Variants in RNLS observed in about 807,000 individuals in gnomAD.
RNLS encodes the protein renalase.
RNLS carries 39 observed loss-of-function variants against 39.8 expected under a neutral mutation model. That is an observed-to-expected ratio of 0.98 (90% CI 0.76 to 1.28). The LOEUF (loss-of-function observed/expected upper bound fraction) is 1.28. Ranked by LOEUF, RNLS falls within the 50% of genes most tolerant of loss-of-function variation. RNLS has a pLI of 0.00. For synonymous variants in RNLS, 147 were observed against 150.7 expected (o/e 0.98, Z 0.18); for missense variants, 410 against 413.3 (o/e 0.99, Z 0.07).
chr10:88,325,698 G>A (rs369240250), intron 5 of RNLS, among the ~76,000 whole-genome samples: 8 of 152,120 alleles, frequency 5.3e-5, no homozygotes, highest in Non-Finnish European at 1.0e-4. Flanking sequence ...ATCATAACAC[G>A]CATTTTTAAA....
chr10:88,450,770 C>T (rs986235780), intron 4 of RNLS, among the ~76,000 whole-genome samples: 9 of 152,156 alleles, frequency 5.9e-5, no homozygotes, highest in Admixed American at 1.3e-4. Flanking sequence ...AGGATTAACA[C>T]TATTAGCAGA....
chr10:88,402,056 A>C (rs1392929199), intron 4 of RNLS, among the ~76,000 whole-genome samples: 2 of 152,162 alleles, frequency 1.3e-5, no homozygotes, highest in East Asian at 3.9e-4. Context: ...GGGTCTAGTT[A>C]AAAATGGGGT....
chr10:88,232,413 C>G, the RNLS span, among the ~76,000 whole-genome samples: 1 of 152,178 alleles, frequency 6.6e-6, no homozygotes, highest in East Asian at 1.9e-4. Context: ...TTCTCTTTTT[C>G]TCTCTCCATC....
chr10:88,570,963 CTTTT>C (rs1179336519), intron 4 of RNLS, among the ~76,000 whole-genome samples: 1 of 96,782 alleles, frequency 1.0e-5, no homozygotes, highest in Non-Finnish European at 2.0e-5. Context: ...GTTGTATATT[CTTTT>C]TTTTTTTTTT....
intron 4 of RNLS, among the ~76,000 whole-genome samples, chr10:88,430,864 T>C (rs896100167): frequency 1.3e-5 from 2 of 151,764 alleles, no homozygotes; most frequent in African/African-American, 4.8e-5. Context: ...TTTGTATATG[T>C]TGTTGAATTA....
chr10:88,258,366 T>C, the RNLS span, among the ~76,000 whole-genome samples: 13 of 152,346 alleles, frequency 8.5e-5, no homozygotes, highest in African/African-American at 3.1e-4. Context: ...CTAATTTGAC[T>C]TGTGGACAGA....
At chr10:88,456,481 C>G (rs1427461520) in intron 4 of RNLS, among the ~76,000 whole-genome samples, 1 of 151,880 alleles carries the variant, frequency 6.6e-6, no homozygotes, top group Admixed American at 6.6e-5. Context: ...GCAGATAACG[C>G]AAAACCAAAG....
the RNLS span, among the ~76,000 whole-genome samples, chr10:88,222,581 C>T: frequency 2.6e-5 from 4 of 152,256 alleles, no homozygotes; most frequent in African/African-American, 9.6e-5. Flanking sequence ...GCTTAAAAGA[C>T]CTCCCGGAAT....
At chr10:88,524,998 T>TATATATATAC (rs1554919255) in intron 4 of RNLS, among the ~76,000 whole-genome samples, 3 of 104,466 alleles carry the variant, frequency 2.9e-5, no homozygotes, top group African/African-American at 1.0e-4. Flanking sequence ...TATATATATA[T>TATATATATAC]ACACACACAC....
At chr10:88,202,672 C>A in the RNLS span, among the ~76,000 whole-genome samples, 1 of 152,182 alleles carries the variant, frequency 6.6e-6, no homozygotes, top group Non-Finnish European at 1.5e-5. Context: ...TCCTTCAGAA[C>A]AGGCACCTGA....
the RNLS span, among the ~76,000 whole-genome samples, chr10:88,211,286 C>G: frequency 6.6e-6 from 1 of 152,192 alleles, no homozygotes; most frequent in Non-Finnish European, 1.5e-5. Flanking sequence ...ATGCATGCAT[C>G]CATCCATCCA....
intron 4 of RNLS, among the ~76,000 whole-genome samples, chr10:88,371,035 A>T (rs1850520578): frequency 6.6e-6 from 1 of 152,126 alleles, no homozygotes; most frequent in Admixed American, 6.6e-5. Flanking sequence ...TTTCATCCTG[A>T]GAAGCATCTC....
At chr10:88,543,257 C>T (rs1397947818) in intron 4 of RNLS, among the ~76,000 whole-genome samples, 2 of 152,206 alleles carry the variant, frequency 1.3e-5, no homozygotes, top group Admixed American at 1.3e-4. Context: ...CATCCTCTCC[C>T]CAGCCCCCAT....
At chr10:88,409,909 CTT>C (rs35908162) in intron 4 of RNLS, among the ~76,000 whole-genome samples, 2 of 152,044 alleles carry the variant, frequency 1.3e-5, no homozygotes, top group Non-Finnish European at 2.9e-5. Flanking sequence ...GGTCAGGAAA[CTT>C]TTTCTGTAAA....
At chr10:88,388,755 T>C (rs796121114) in intron 4 of RNLS, among the ~76,000 whole-genome samples, 26 of 152,286 alleles carry the variant, frequency 1.7e-4, no homozygotes, top group African/African-American at 5.5e-4. Flanking sequence ...TTTATCATCG[T>C]CTTTTTATAT....
rs371807138 is a variant in RNLS at position 88,325,344 on chromosome 10, A to G, written c.701-10703T>C. Among the ~76,000 whole-genome samples, 22 of 152,268 alleles carry G rather than the reference A, an allele frequency of 1.4e-4. No individual in the cohort carries two copies. In the East Asian group the frequency reaches 4.0e-3, roughly 28 times the overall value. On this transcript the variant is annotated intron_variant, in intron 5 of 6. Transcript: ENST00000331772. ...TTTTGTTTTTAATAATAGCCATCCT[A>G]ATGAGTGTGAAATAGCCACAGCAGT... is the stretch of plus-strand genomic sequence containing the variant.
At chr10:88,198,537 G>A in the RNLS span, among the ~76,000 whole-genome samples, 43 of 152,256 alleles carry the variant, frequency 2.8e-4, no homozygotes, top group African/African-American at 8.2e-4. Context: ...CAAATCTCAC[G>A]TTGAATTGTA....
At position 88,583,292 on chromosome 10, in the gene RNLS, C is replaced by T; in HGVS notation, c.-102G>A. ...AACCGGCGCTAGCGCTCTTTGGTTC[C>T]GTGCTCCCTGGGCCGACCTGGGCCC... On this transcript the variant is annotated 5_prime_UTR_variant, in exon 1 of 7. Transcript: ENST00000331772. 1 of 1,536,638 alleles carries T rather than the reference C, an allele frequency of 6.5e-7. No individual in the cohort carries two copies. Among genetic ancestry groups the T allele is most frequent in the Non-Finnish European group, 8.7e-7 (1 of 1,149,406 alleles).
rs970098014 is a variant in RNLS, at chr10:88,485,620, A to C, written c.526+87283T>G. On this transcript the variant is annotated intron_variant, in intron 4 of 6. Coordinates refer to ENST00000331772, the MANE Select transcript of RNLS (RefSeq NM_001031709.3). ...AGTTGTGACAGGCATATTAGGCCTG[A>C]ACTTTATATACAATGAAAAACCAAA... is the stretch of plus-strand genomic sequence containing the variant. Among the ~76,000 whole-genome samples the C allele has an allele frequency of 2.1e-5, 3 of 145,304 alleles. No homozygotes were observed. In the Admixed American group the frequency reaches 2.1e-4, roughly 10 times the overall value.
Sources: gnomAD v4.1 joint callset for allele counts (sites outside exome capture counted in the v4.1 genomes callset) on GRCh38, gnomAD v4.1.1 for gene constraint, MANE v1.5 for transcripts, NCBI Gene and HGNC (gene_info 2026-07-23, HGNC 2026-07-21) for gene names.